Variants in PRTG observed in about 807,000 individuals in gnomAD.
The protein encoded by PRTG is protogenin, also known as immunoglobulin superfamily, DCC subclass, member 5.
A neutral mutation model predicts 122.5 loss-of-function variants in PRTG; 67 were observed. The ratio of observed to expected loss-of-function variants is 0.55; its 90% confidence interval spans 0.45 to 0.67. The LOEUF is 0.67. Ranked by LOEUF, PRTG falls within the 30% of genes least tolerant of loss-of-function variation. The pLI, the probability that PRTG is intolerant of heterozygous loss-of-function variation, is 0.00. For missense variants in PRTG, 1,435 were observed against 1,415.4 expected, an observed-to-expected ratio of 1.01 and a Z score of -0.22; for synonymous variants, 554 against 501.1, an observed-to-expected ratio of 1.11 and a Z score of -1.41.
intron 15 of PRTG, among the ~76,000 whole-genome samples, chr15:55,630,775 A>T (rs1352315376): frequency 3.3e-5 from 5 of 152,186 alleles, no homozygotes; most frequent in Non-Finnish European, 7.3e-5. Flanking sequence ...ATAGAAATTC[A>T]ACCAGAAAGT....
chr15:55,635,996 C>G (rs2059255869), intron 15 of PRTG, among the ~76,000 whole-genome samples: 1 of 151,876 alleles, frequency 6.6e-6, no homozygotes, highest in Non-Finnish European at 1.5e-5. Context: ...TATGTGATGG[C>G]CCATCTAAAA....
chr15:55,638,502 C>CT, intron 14 of PRTG, 47 bp downstream of exon 14: 1 of 1,465,598 alleles, frequency 6.8e-7, no homozygotes, highest in Non-Finnish European at 9.3e-7. Context: ...AAAACATTTC[C>CT]TTAATTTTTT....
At chr15:55,733,514 CAAAAAAAAAAA>C (rs1171561645) in intron 2 of PRTG, among the ~76,000 whole-genome samples, 1 of 76,394 alleles carries the variant, frequency 1.3e-5, no homozygotes, top group Non-Finnish European at 2.8e-5. Context: ...CTGTCTCAAA[CAAAAAAAAAAA>C]AAAAAAAAAA....
intron 17 of PRTG, among the ~76,000 whole-genome samples, chr15:55,625,686 C>T (rs572027892): frequency 1.4e-4 from 20 of 141,600 alleles, no homozygotes; most frequent in East Asian, 3.9e-4. Context: ...TGCAGTGGCA[C>T]GATCTCGGCT....
intron 3 of PRTG, among the ~76,000 whole-genome samples, chr15:55,682,756 T>C (rs12899647): frequency 0.37 from 56,678 of 151,604 alleles, 13,468 homozygotes; most frequent in Non-Finnish European, 0.53. Flanking sequence ...AGAGATGGGG[T>C]TTCACCATGA....
intron 2 of PRTG, among the ~76,000 whole-genome samples, chr15:55,720,031 C>A (rs1246668703): frequency 2.0e-5 from 3 of 152,030 alleles, no homozygotes; most frequent in African/African-American, 7.2e-5. Flanking sequence ...TGCACTCCAG[C>A]CTGGGCAACG....
At chr15:55,638,508 T>A (rs1354227959) in intron 14 of PRTG, 41 bp downstream of exon 14, 12 of 1,501,554 alleles carry the variant, frequency 8.0e-6, no homozygotes, top group South Asian at 1.2e-5. Flanking sequence ...TTTCCTTAAT[T>A]TTTTTTAAAG....
intron 2 of PRTG, among the ~76,000 whole-genome samples, chr15:55,739,496 C>T (rs1486584380): frequency 4.6e-5 from 7 of 152,210 alleles, no homozygotes; most frequent in Non-Finnish European, 8.8e-5. Context: ...TGTGGATTAA[C>T]AAAAAGCATG....
chr15:55,660,980 T>C (rs1363131204), intron 11 of PRTG, among the ~76,000 whole-genome samples: 9 of 152,168 alleles, frequency 5.9e-5, no homozygotes, highest in Admixed American at 5.9e-4. Flanking sequence ...CTGGAGACAA[T>C]GGGGAACTAA....
At chr15:55,692,800 C>A (rs1390730765) in intron 2 of PRTG, among the ~76,000 whole-genome samples, 1 of 142,030 alleles carries the variant, frequency 7.0e-6, no homozygotes. Flanking sequence ...CCTAAAAAAA[C>A]AGTGTTTACT....
At chr15:55,641,975 C>G (rs1467232552) in intron 11 of PRTG, among the ~76,000 whole-genome samples, 2 of 148,672 alleles carry the variant, frequency 1.3e-5, no homozygotes, top group East Asian at 2.0e-4. Flanking sequence ...GAGATCGAGA[C>G]CATCCTGGCT....
chr15:55,620,808 T>G, intron 18 of PRTG, 41 bp from the exon 19 acceptor site: 1 of 1,504,922 alleles, frequency 6.6e-7, no homozygotes, highest in South Asian at 1.2e-5. Context: ...TATCCTGGTA[T>G]CACAGATTTC....
chr15:55,722,169 T>A (rs1453266983), intron 2 of PRTG, among the ~76,000 whole-genome samples: 1 of 152,232 alleles, frequency 6.6e-6, no homozygotes, highest in Non-Finnish European at 1.5e-5. Context: ...TAAGTGTTCA[T>A]TATATTCCTT....
chr15:55,718,443 C>G (rs2030682561), intron 2 of PRTG, among the ~76,000 whole-genome samples: 1 of 152,034 alleles, frequency 6.6e-6, no homozygotes, highest in Non-Finnish European at 1.5e-5. Flanking sequence ...CCTTCCTTTT[C>G]TACACCTTGT....
intron 4 of PRTG, 145 bp downstream of exon 4, chr15:55,682,219 A>G: frequency 1.7e-6 from 1 of 597,596 alleles, no homozygotes; most frequent in East Asian, 3.5e-5. Context: ...GAGTTGCTTA[A>G]TAACTAAAAA....
At chr15:55,716,263 C>A (rs2030595848) in intron 2 of PRTG, among the ~76,000 whole-genome samples, 1 of 152,124 alleles carries the variant, frequency 6.6e-6, no homozygotes. Context: ...ACAACAACAA[C>A]AACAAAACAA....
At chr15:55,689,447 A>T (rs1464659264) in intron 2 of PRTG, among the ~76,000 whole-genome samples, 1 of 152,148 alleles carries the variant, frequency 6.6e-6, no homozygotes, top group Non-Finnish European at 1.5e-5. Flanking sequence ...TAGTCCCAAC[A>T]AACAGACTTG....
chr15:55,707,571 GA>G (rs1390659491), intron 2 of PRTG, among the ~76,000 whole-genome samples: 1 of 152,152 alleles, frequency 6.6e-6, no homozygotes, highest in Non-Finnish European at 1.5e-5. Flanking sequence ...TAAAAGAAGA[GA>G]ATTCTGGACA....
chr15:55,743,081 G>C lies in PRTG; in HGVS notation c.-150C>G, dbSNP rs768915299. On this transcript the variant is annotated 5_prime_UTR_variant, in exon 1 of 20. Transcript: ENST00000389286. ...GCACCGGCGTGGCGAGCGTCTCTGC[G>C]GCGGCGAGGCTGGTGCTCGGACGGC... 27 of 1,289,558 alleles carry C rather than the reference G, an allele frequency of 2.1e-5. No individual in the cohort carries two copies. Among genetic ancestry groups the C allele is most frequent in the Non-Finnish European group, 2.6e-5 (27 of 1,023,484 alleles). The allele number at this position is 1,289,558 out of a possible 1,614,324, so 79.9% of individuals were successfully genotyped here.
Sources: gnomAD v4.1 joint callset for allele counts (sites outside exome capture counted in the v4.1 genomes callset) on GRCh38, gnomAD v4.1.1 for gene constraint, MANE v1.5 for transcripts, NCBI Gene and HGNC (gene_info 2026-07-23, HGNC 2026-07-21) for gene names.